The following DAB1 variants were observed in gnomAD, a reference collection of about 807,000 sequenced individuals.
DAB1 encodes disabled homolog 1.
In DAB1, 15 loss-of-function variants were observed where a neutral mutation model predicts 64.6. That is an observed-to-expected ratio of 0.23 (90% confidence interval 0.16 to 0.36). The LOEUF is 0.36. Ranked by LOEUF, DAB1 falls within the 10% of genes least tolerant of loss-of-function variation. The pLI is 1.00. For synonymous variants in DAB1, 235 were observed against 251.9 expected (o/e 0.93, Z 0.64); for missense variants, 596 against 706.7 (o/e 0.84, Z 1.78).
At chr1:57,141,365 G>T (rs938847301) in intron 3 of DAB1, among the ~76,000 whole-genome samples, 1 of 152,082 alleles carries the variant, frequency 6.6e-6, no homozygotes, top group African/African-American at 2.4e-5. Flanking sequence ...GAGAGGTCAG[G>T]GCATTGCTCC....
chr1:57,506,864 TC>T (rs1020767605), intron 7 of DAB1, among the ~76,000 whole-genome samples: 3 of 152,170 alleles, frequency 2.0e-5, no homozygotes, highest in African/African-American at 7.2e-5. Context: ...AATTGCCAAC[TC>T]CCGTAGATTT....
At chr1:58,462,097 C>T (rs1645248175) in intron 3 of DAB1, among the ~76,000 whole-genome samples, 1 of 149,186 alleles carries the variant, frequency 6.7e-6, no homozygotes, top group Non-Finnish European at 1.5e-5. Flanking sequence ...AGATCCACGT[C>T]GATCTGAGAA....
At chr1:57,029,016 A>C (rs1193740579) in intron 9 of DAB1, among the ~76,000 whole-genome samples, 1 of 152,220 alleles carries the variant, frequency 6.6e-6, no homozygotes, top group Non-Finnish European at 1.5e-5. Flanking sequence ...TCATGGGGAA[A>C]ATGTCTCCAG....
chr1:57,627,667 T>G (rs990532520), intron 7 of DAB1, among the ~76,000 whole-genome samples: 2 of 152,210 alleles, frequency 1.3e-5, no homozygotes, highest in African/African-American at 4.8e-5. Context: ...AATTGAAAAT[T>G]GAAAAGGAGA....
At chr1:58,300,375 G>A (rs928380703) in intron 4 of DAB1, among the ~76,000 whole-genome samples, 10 of 151,592 alleles carry the variant, frequency 6.6e-5, no homozygotes, top group Non-Finnish European at 1.0e-4. Context: ...GTGAAACCCC[G>A]TCTCTACTGA....
intron 7 of DAB1, among the ~76,000 whole-genome samples, chr1:57,430,026 G>A (rs529783448): frequency 2.0e-5 from 3 of 151,972 alleles, no homozygotes; most frequent in South Asian, 2.1e-4. Context: ...TGTGAAAAAC[G>A]TAATTAGCAT....
intron 3 of DAB1, among the ~76,000 whole-genome samples, chr1:58,474,982 T>C (rs1645404815): frequency 6.6e-6 from 1 of 152,186 alleles, no homozygotes; most frequent in Non-Finnish European, 1.5e-5. Context: ...TTAATAGGGC[T>C]CAACAAATAC....
intron 7 of DAB1, among the ~76,000 whole-genome samples, chr1:57,637,422 C>G (rs921871466): frequency 2.0e-5 from 3 of 152,136 alleles, no homozygotes; most frequent in African/African-American, 7.2e-5. Flanking sequence ...CAAAGAATTC[C>G]CAGAGGAGGC....
chr1:58,067,363 G>T (rs189348485), intron 5 of DAB1, among the ~76,000 whole-genome samples: 144 of 152,332 alleles, frequency 9.5e-4, no homozygotes, highest in African/African-American at 3.3e-3. Context: ...AAGCACGTTT[G>T]TTCTGAAGAG....
chr1:57,573,792 C>G (rs72906500), intron 7 of DAB1, among the ~76,000 whole-genome samples: 1,913 of 152,246 alleles, frequency 0.013, 54 homozygotes, highest in African/African-American at 0.044. Context: ...TTCCATATTA[C>G]AAAAATAACA....
At chr1:57,756,134 C>T (rs1648794375) in intron 6 of DAB1, among the ~76,000 whole-genome samples, 2 of 152,136 alleles carry the variant, frequency 1.3e-5, no homozygotes, top group South Asian at 2.1e-4. Context: ...GGTCATCTCC[C>T]GATTTCTTTT....
intron 7 of DAB1, among the ~76,000 whole-genome samples, chr1:57,593,061 C>T (rs1645464421): frequency 6.6e-6 from 1 of 152,172 alleles, no homozygotes. Flanking sequence ...TAGGTACGTT[C>T]ACATTGTTGT....
chr1:57,156,805 C>T (rs1204616080), intron 2 of DAB1, among the ~76,000 whole-genome samples: 1 of 152,220 alleles, frequency 6.6e-6, no homozygotes, highest in East Asian at 1.9e-4. Context: ...TGGCTCTCCT[C>T]TGAATTTAAA....
intron 3 of DAB1, among the ~76,000 whole-genome samples, chr1:57,139,077 A>G (rs1658366707): frequency 6.6e-6 from 1 of 152,154 alleles, no homozygotes; most frequent in African/African-American, 2.4e-5. Context: ...CCAATCTTCA[A>G]TCTCAGCTAT....
At chr1:58,479,694 C>T (rs772415855) in intron 3 of DAB1, among the ~76,000 whole-genome samples, 1 of 152,120 alleles carries the variant, frequency 6.6e-6, no homozygotes, top group Non-Finnish European at 1.5e-5. Flanking sequence ...TAATGAACAA[C>T]TGAGAATACT....
chr1:57,099,104 C>T (rs1009333684), intron 4 of DAB1, among the ~76,000 whole-genome samples: 3 of 152,150 alleles, frequency 2.0e-5, no homozygotes, highest in Non-Finnish European at 2.9e-5. Flanking sequence ...TCACTGGTTC[C>T]ACCATTTACT....
chr1:57,857,869 A>G (rs1229809926), intron 1 of DAB1, among the ~76,000 whole-genome samples: 3 of 151,340 alleles, frequency 2.0e-5, no homozygotes, highest in African/African-American at 7.3e-5. Context: ...AAAAAAAAGA[A>G]AAAAGAAAAA....
At chr1:57,455,530 A>G (rs1686555401) in intron 7 of DAB1, among the ~76,000 whole-genome samples, 1 of 152,136 alleles carries the variant, frequency 6.6e-6, no homozygotes, top group Non-Finnish European at 1.5e-5. Flanking sequence ...TAAGATCCCT[A>G]AAACCACAGT....
intron 4 of DAB1, among the ~76,000 whole-genome samples, chr1:58,166,138 T>C (rs1417778478): frequency 2.6e-5 from 4 of 152,228 alleles, no homozygotes; most frequent in Non-Finnish European, 5.9e-5. Flanking sequence ...AAGCTAGATA[T>C]GATTTTGTAT....
Sources: gnomAD v4.1 joint callset for allele counts (sites outside exome capture counted in the v4.1 genomes callset) on GRCh38, gnomAD v4.1.1 for gene constraint, MANE v1.5 for transcripts, NCBI Gene and HGNC (gene_info 2026-07-23, HGNC 2026-07-21) for gene names.